CSMD1: variants seen among roughly 807,000 people sequenced by gnomAD.
CSMD1 encodes CUB and Sushi multiple domains 1.
CSMD1 carries 213 observed loss-of-function variants against 417.5 expected under a neutral mutation model. That is an observed-to-expected ratio of 0.51 (90% CI 0.46 to 0.57). CSMD1 has a LOEUF of 0.57. Ranked by LOEUF, CSMD1 falls within the 20% of genes least tolerant of loss-of-function variation. The probability of loss-of-function intolerance (pLI) is 0.00; values close to 1 mark genes in which losing one functional copy is unlikely to be tolerated. For missense variants in CSMD1, 6,923 were observed against 4,529.7 expected, an observed-to-expected ratio of 1.53 and a Z score of -15.17; for synonymous variants, 2,862 against 1,736.8, an observed-to-expected ratio of 1.65 and a Z score of -16.11.
At chr8:3,422,182 T>G (rs1375549850) in intron 12 of CSMD1, among the ~76,000 whole-genome samples, 1 of 152,188 alleles carries the variant, frequency 6.6e-6, no homozygotes, top group African/African-American at 2.4e-5. Context: ...TTTCACTTAT[T>G]TTCAGTCTTG....
intron 23 of CSMD1, among the ~76,000 whole-genome samples, chr8:3,340,267 G>A (rs564550867): frequency 1.3e-5 from 2 of 152,270 alleles, no homozygotes; most frequent in East Asian, 3.9e-4. Flanking sequence ...AGTAGAAGGA[G>A]CTATTTCCCA....
At chr8:3,871,884 T>C (rs1050561647) in intron 5 of CSMD1, among the ~76,000 whole-genome samples, 1 of 152,160 alleles carries the variant, frequency 6.6e-6, no homozygotes, top group Non-Finnish European at 1.5e-5. Flanking sequence ...ATAACAGGTG[T>C]TGATTTTGAA....
At chr8:4,075,707 G>C (rs548892077) in intron 3 of CSMD1, among the ~76,000 whole-genome samples, 1 of 152,232 alleles carries the variant, frequency 6.6e-6, no homozygotes, top group South Asian at 2.1e-4. Context: ...ATATAAAATT[G>C]TCAATGTAGA....
chr8:4,005,023 T>C lies in CSMD1; in HGVS notation c.611-6913A>G, dbSNP rs199864423. ...CCTCCCTAGTGACTCTTATTCTAAG[T>C]GAAGTACTGAGGAATGGAAAACCAA... On this transcript the variant is annotated intron_variant, in intron 4 of 69. Coordinates refer to ENST00000635120, the MANE Select transcript of CSMD1 (RefSeq NM_033225.6). 1.1e-4 allele frequency among the ~76,000 whole-genome samples: 17 copies of C among 152,204 alleles called. No individual in the cohort carries two copies. In the East Asian group the frequency reaches 3.3e-3, roughly 29 times the overall value.
intron 1 of CSMD1, among the ~76,000 whole-genome samples, chr8:4,846,057 G>C (rs902859968): frequency 2.6e-5 from 4 of 152,034 alleles, no homozygotes; most frequent in Non-Finnish European, 4.4e-5. Flanking sequence ...TGCCAATCCC[G>C]GTTTGTTGTG....
At chr8:3,206,518 T>A (rs1373829337) in intron 30 of CSMD1, among the ~76,000 whole-genome samples, 1 of 142,566 alleles carries the variant, frequency 7.0e-6, no homozygotes, top group African/African-American at 2.6e-5. Flanking sequence ...GTGGTGTATG[T>A]CTGCGTGTGT....
intron 3 of CSMD1, among the ~76,000 whole-genome samples, chr8:4,298,414 C>T (rs569428597): frequency 4.6e-5 from 7 of 152,012 alleles, no homozygotes; most frequent in Non-Finnish European, 1.0e-4. Context: ...ATACTAGACA[C>T]TAGACTGTTA....
At chr8:2,955,302 C>A (rs1802921023) in intron 64 of CSMD1, among the ~76,000 whole-genome samples, 2 of 152,182 alleles carry the variant, frequency 1.3e-5, no homozygotes, top group Non-Finnish European at 2.9e-5. Context: ...TTTTCTTTAA[C>A]CAAATAGCTT....
intron 4 of CSMD1, among the ~76,000 whole-genome samples, chr8:4,009,995 T>C (rs1425703208): frequency 4.6e-5 from 7 of 152,196 alleles, no homozygotes; most frequent in African/African-American, 1.7e-4. Flanking sequence ...GACCCCCTAA[T>C]CTTAATTCTT....
intron 5 of CSMD1, among the ~76,000 whole-genome samples, chr8:3,889,492 TAAAA>T (rs1563181331): frequency 3.2e-5 from 2 of 63,206 alleles, no homozygotes; most frequent in African/African-American, 5.9e-5. Context: ...TATATATATA[TAAAA>T]TATGCTCATT....
intron 1 of CSMD1, among the ~76,000 whole-genome samples, chr8:4,856,332 C>T (rs7839511): frequency 0.4 from 57,148 of 142,014 alleles, 12,998 homozygotes; most frequent in East Asian, 0.69. Flanking sequence ...TAAAGACCAT[C>T]GAGACTAGGA....
chr8:3,421,736 C>G (rs182431483), intron 12 of CSMD1, among the ~76,000 whole-genome samples: 16 of 152,324 alleles, frequency 1.1e-4, no homozygotes, highest in Admixed American at 4.6e-4. Context: ...CTCCCAGGTT[C>G]AAGCAATTGT....
chr8:4,651,938 G>A (rs144999710), intron 1 of CSMD1, among the ~76,000 whole-genome samples: 26 of 152,240 alleles, frequency 1.7e-4, no homozygotes, highest in African/African-American at 5.8e-4. Context: ...AGACCTGATA[G>A]GGAGAACTTT....
At position 3,831,780 on chromosome 8, in the gene CSMD1, A is replaced by ATT. The variant is rs1350965497; in HGVS notation, c.819-77740_819-77739dup. Among the ~76,000 whole-genome samples, 8 of 152,260 alleles carry ATT rather than the reference A, an allele frequency of 5.3e-5. No homozygotes were observed. In the East Asian group the frequency reaches 1.5e-3, roughly 29 times the overall value. ...AGCACAACACATAGCCATTTGGGAT[A>ATT]TTTTTGCTCACACGCGGGACTGTGA... On this transcript the variant is annotated intron_variant, in intron 5 of 69. Transcript: ENST00000635120.
chr8:3,805,613 C>T (rs1026062016), intron 5 of CSMD1, among the ~76,000 whole-genome samples: 1 of 152,144 alleles, frequency 6.6e-6, no homozygotes, highest in African/African-American at 2.4e-5. Flanking sequence ...AGAGTTATAC[C>T]TGTAGAAAGG....
intron 2 of CSMD1, among the ~76,000 whole-genome samples, chr8:4,445,649 G>C (rs1049603358): frequency 6.6e-5 from 10 of 152,284 alleles, no homozygotes; most frequent in African/African-American, 2.4e-4. Flanking sequence ...AGGAAAGTAA[G>C]GTTATTGAAG....
At chr8:4,897,559 T>G (rs1210213683) in intron 1 of CSMD1, among the ~76,000 whole-genome samples, 1 of 152,112 alleles carries the variant, frequency 6.6e-6, no homozygotes, top group Non-Finnish European at 1.5e-5. Flanking sequence ...TTTAATAGAT[T>G]GCAATTTGTT....
intron 5 of CSMD1, among the ~76,000 whole-genome samples, chr8:3,961,245 A>G (rs1329700160): frequency 6.6e-6 from 1 of 152,200 alleles, no homozygotes; most frequent in Non-Finnish European, 1.5e-5. Context: ...GCTATTGAAG[A>G]AAAAAGGATT....
intron 1 of CSMD1, among the ~76,000 whole-genome samples, chr8:4,744,014 G>C (rs1810793073): frequency 6.6e-6 from 1 of 152,234 alleles, no homozygotes; most frequent in African/African-American, 2.4e-5. Flanking sequence ...TCTAGAGCCT[G>C]CATCCACGCC....
Sources: allele counts gnomAD v4.1 joint callset (sites outside exome capture counted in the v4.1 genomes callset), GRCh38; gene constraint gnomAD v4.1.1; transcripts MANE v1.5; gene names NCBI Gene and HGNC (gene_info 2026-07-23, HGNC 2026-07-21).